The following NTN4 variants were observed in gnomAD, a reference collection of about 807,000 sequenced individuals.
NTN4 encodes the protein netrin 4.
Under a neutral mutation model 73.6 loss-of-function variants are expected in NTN4, and 32 were observed. The observed-to-expected ratio is 0.44, with a 90% confidence interval of 0.33 to 0.58. The LOEUF is 0.58. Ranked by LOEUF, NTN4 falls within the 20% of genes least tolerant of loss-of-function variation. NTN4 has a pLI of 0.04. For missense variants in NTN4, 654 were observed against 798.3 expected (o/e 0.82, Z 2.18); for synonymous variants, 258 against 287.5 (o/e 0.90, Z 1.04).
rs139265004 is a variant in NTN4, at chr12:95,660,516, C to T, written c.1751-1294G>A. ...TTGTGATGACCTTGTATTCAAAATT[C>T]GTTTCAAGCTTTAGATAACAAATTT... is the stretch of plus-strand genomic sequence containing the variant. On this transcript the variant is annotated intron_variant, in intron 9 of 9. Transcript: ENST00000343702. 8.9e-3 allele frequency among the ~76,000 whole-genome samples: 1,355 copies of T among 151,428 alleles called. 13 individuals carry two copies. Among genetic ancestry groups the T allele is most frequent in the Middle Eastern group, 0.017 (5 of 292 alleles).
chr12:95,744,734 T>C (rs2078849153), intron 2 of NTN4, among the ~76,000 whole-genome samples: 1 of 152,222 alleles, frequency 6.6e-6, no homozygotes, highest in Admixed American at 6.5e-5. Flanking sequence ...TTTTCCTTTT[T>C]GATGATCTTC....
At chr12:95,677,395 G>A (rs2078281316) in intron 7 of NTN4, among the ~76,000 whole-genome samples, 1 of 151,980 alleles carries the variant, frequency 6.6e-6, no homozygotes, top group African/African-American at 2.4e-5. Context: ...AAAAATTCAA[G>A]TAACAGATGA....
chr12:95,721,894 T>G (rs2121118862), intron 3 of NTN4, among the ~76,000 whole-genome samples: 1 of 152,256 alleles, frequency 6.6e-6, no homozygotes, highest in South Asian at 2.1e-4. Flanking sequence ...TGAAGAGTAT[T>G]CAGAAGTGCA....
intron 9 of NTN4, among the ~76,000 whole-genome samples, chr12:95,660,131 G>A (rs1377837576): frequency 2.0e-5 from 3 of 151,902 alleles, no homozygotes; most frequent in Non-Finnish European, 2.9e-5. Context: ...CTTGTGCCTC[G>A]GCTTCCCAAA....
intron 5 of NTN4, among the ~76,000 whole-genome samples, chr12:95,709,259 G>A (rs1241565422): frequency 6.6e-6 from 1 of 152,086 alleles, no homozygotes; most frequent in Non-Finnish European, 1.5e-5. Context: ...GGAGTCCTTG[G>A]TAGGGAAAGG....
rs750503256 is a variant in NTN4 at position 95,683,582 on chromosome 12, C to T, written c.1310G>A (p.Gly437Glu). 2.5e-6 allele frequency: 4 copies of T among 1,614,218 alleles called. No homozygotes were observed. The South Asian group carries it at 4.4e-5, about 18-fold the overall frequency. ...GCCATAGTCTCCGAAGCCCCAGTAT[C>T]CCACCATGCACCTGTCACAACGTCG... ...AGRRCDRCMV[G>E]YWGFGDYGCR... The change falls in exon 6 of 10, where the codon GGA (glycine) becomes GAA (glutamate). Residue 437 changes from glycine (G) to glutamate (E), a missense_variant. By Grantham distance (98) the Gly-to-Glu change is moderately conservative. Transcript: ENST00000343702.
intron 5 of NTN4, among the ~76,000 whole-genome samples, chr12:95,688,532 G>C (rs886968924): frequency 2.0e-5 from 3 of 152,090 alleles, no homozygotes; most frequent in Non-Finnish European, 2.9e-5. Flanking sequence ...ATGCTTAAAG[G>C]CTATCTTAAA....
chr12:95,768,423 G>T (rs115114707), intron 2 of NTN4, among the ~76,000 whole-genome samples: 1,990 of 152,090 alleles, frequency 0.013, 46 homozygotes, highest in African/African-American at 0.046. Context: ...AGGGGGAGGG[G>T]ATCAGAAAAG....
chr12:95,688,465 G>C (rs2078378472), intron 5 of NTN4, among the ~76,000 whole-genome samples: 1 of 152,106 alleles, frequency 6.6e-6, no homozygotes, highest in Non-Finnish European at 1.5e-5. Flanking sequence ...GCTGAGGGTG[G>C]AGATAGGGAA....
intron 5 of NTN4, among the ~76,000 whole-genome samples, chr12:95,707,944 T>C (rs2058975): frequency 6.6e-6 from 1 of 152,292 alleles, no homozygotes; most frequent in South Asian, 2.1e-4. Flanking sequence ...ACATTTCTAC[T>C]AGTGGTCTGA....
rs143845067 is a variant in NTN4, at chr12:95,670,428, A to C, written c.1511-282T>G. ...ATTGATGTTGTGATAAATACAGTCT[A>C]GTATTAATATTCCATGCTAACAGGA... On this transcript the variant is annotated intron_variant, in intron 7 of 9. Transcript: ENST00000343702. The C allele has an allele frequency of 6.6e-4, 163 of 246,156 alleles. 1 individual carries two copies. In the East Asian group the frequency reaches 8.0e-3, roughly 12 times the overall value. The allele number at this position is 246,156 out of a possible 1,614,324, so 15.2% of individuals were successfully genotyped here.
chr12:95,697,422 G>T (rs1259678480), intron 5 of NTN4, among the ~76,000 whole-genome samples: 3 of 152,062 alleles, frequency 2.0e-5, no homozygotes, highest in African/African-American at 7.2e-5. Flanking sequence ...AAATTTCCTG[G>T]ATAATCTGAC....
chr12:95,790,301 G>C lies in NTN4; in HGVS notation c.9C>G (p.Ser3Arg), dbSNP rs1409483652. The C allele has an allele frequency of 1.3e-6, 2 of 1,531,268 alleles. No individual in the cohort carries two copies. The highest frequency in any genetic ancestry group is 4.0e-5 in the Admixed American group (2 of 49,712). 94.9% of individuals were successfully genotyped at this position (1,531,268 alleles called of 1,614,324 possible). Residue 3 changes from serine (S) to arginine (R), a missense_variant, in exon 1 of 10, where the codon AGC (serine) becomes AGG (arginine). By Grantham distance (110) the Ser-to-Arg change is moderately radical. Transcript: ENST00000343702. This position sits in a 1 kb window ranked among gnomAD's most constrained non-coding sequence, Gnocchi z 6.5. Reference protein sequence around the residue: MGSCARLLLLWGC... With the variant: MGRCARLLLLWGC... ...CCCAGAGCAGCAGCAGCCGCGCGCA[G>C]CTCCCCATGGCCGGGAGGAGCCGGG...
intron 3 of NTN4, among the ~76,000 whole-genome samples, chr12:95,724,803 T>G (rs932004063): frequency 2.0e-5 from 3 of 152,186 alleles, no homozygotes; most frequent in Non-Finnish European, 4.4e-5. Context: ...ACTAAGACAG[T>G]AGCTACATAG....
intron 2 of NTN4, among the ~76,000 whole-genome samples, chr12:95,747,180 TGAAAAA>T (rs1037963573): frequency 1.5e-5 from 2 of 131,996 alleles, no homozygotes; most frequent in South Asian, 2.5e-4. Context: ...CTGAAAAATT[TGAAAAA>T]GAAAATATAA....
At chr12:95,783,760 CA>C (rs1349645460) in intron 2 of NTN4, among the ~76,000 whole-genome samples, 1 of 152,232 alleles carries the variant, frequency 6.6e-6, no homozygotes, top group Non-Finnish European at 1.5e-5. Context: ...TTAGGATAGC[CA>C]TACCCCATTC....
chr12:95,786,074 T>C (rs150878138), intron 2 of NTN4, among the ~76,000 whole-genome samples: 50 of 152,316 alleles, frequency 3.3e-4, no homozygotes, highest in African/African-American at 1.2e-3. Context: ...TCACCCCTAG[T>C]TGAAAGCCAC....
At position 95,672,330 on chromosome 12, in the gene NTN4, T is replaced by A. The variant is rs2078239051; in HGVS notation, c.1511-2184A>T. The A allele has an allele frequency of 3.8e-6, 3 of 787,132 alleles. No individual in the cohort carries two copies. In the African/African-American group the frequency reaches 5.1e-5, roughly 13 times the overall value. 48.8% of individuals were successfully genotyped at this position (787,132 alleles called of 1,614,324 possible). On this transcript the variant is annotated intron_variant, in intron 7 of 9. Coordinates refer to ENST00000343702, the MANE Select transcript of NTN4 (RefSeq NM_021229.4). ...ATGGCCGCCTACAAACTGGTGCTGA[T>A]CCAGCATGGAGAGTGCATGGAACCT... is the stretch of plus-strand genomic sequence containing the variant.
intron 2 of NTN4, among the ~76,000 whole-genome samples, chr12:95,745,167 A>G (rs948382200): frequency 1.3e-5 from 2 of 151,892 alleles, no homozygotes; most frequent in South Asian, 2.1e-4. Context: ...GGTTTGTTGC[A>G]CTTCTTGGAT....
Sources: gnomAD v4.1 joint callset for allele counts (sites outside exome capture counted in the v4.1 genomes callset) on GRCh38, gnomAD v4.1.1 for gene constraint, Gnocchi (gnomAD v3.1) non-coding constraint, MANE v1.5 for transcripts, NCBI Gene and HGNC (gene_info 2026-07-23, HGNC 2026-07-21) for gene names.